MOB4: variants seen among roughly 807,000 people sequenced by gnomAD.
MOB4 encodes the protein MOB family member 4, phocein, also known as MOB-like protein phocein.
A neutral mutation model predicts 32.2 loss-of-function variants in MOB4; 4 were observed. The ratio of observed to expected loss-of-function variants is 0.12; its 90% confidence interval spans 0.06 to 0.28. The LOEUF is 0.28. Among genes scored for constraint, MOB4 ranks in the 10% least tolerant of loss-of-function variants. MOB4 has a pLI of 1.00. For missense variants in MOB4, 158 were observed against 271.2 expected (o/e 0.58, Z 2.93); for synonymous variants, 88 against 88.1 (o/e 1.00, Z 0.01).
rs1211585714 is a variant in MOB4, at chr2:197,553,163, G to A, written c.*2517G>A. 6.6e-6 allele frequency: 1 copy of A among 152,194 alleles called. No individual in the cohort carries two copies. The highest frequency in any genetic ancestry group is 2.4e-5 in the African/African-American group (1 of 41,440). 9.4% of individuals were successfully genotyped at this position (152,194 alleles called of 1,614,324 possible). A position where few individuals can be genotyped will look rare whatever the true frequency, so the allele number is the denominator to read the frequency against. On this transcript the variant is annotated 3_prime_UTR_variant, in exon 8 of 8. Coordinates refer to ENST00000323303, the MANE Select transcript of MOB4 (RefSeq NM_015387.5). ...AATTAGAAATCCTTGGTCAGGCACAGGGGCTCACGCCTGTAATCCCAGCAC... is the reference window on the plus strand; with the variant it reads ...AATTAGAAATCCTTGGTCAGGCACAAGGGCTCACGCCTGTAATCCCAGCAC...
At chr2:197,537,928 C>T (rs531023269) in intron 3 of MOB4, among the ~76,000 whole-genome samples, 5 of 152,172 alleles carry the variant, frequency 3.3e-5, no homozygotes, top group South Asian at 2.1e-4. Context: ...TACAGGCACA[C>T]GCCACCATGC....
At chr2:197,526,956 A>G (rs2086621264) in intron 2 of MOB4, among the ~76,000 whole-genome samples, 1 of 151,864 alleles carries the variant, frequency 6.6e-6, no homozygotes, top group South Asian at 2.1e-4. Context: ...TTTGTTCCTT[A>G]TTTTATTTTT....
At chr2:197,522,803 T>A (rs532911617) in intron 1 of MOB4, among the ~76,000 whole-genome samples, 8 of 151,790 alleles carry the variant, frequency 5.3e-5, no homozygotes, top group Middle Eastern at 3.4e-3. Flanking sequence ...GATCACGAGA[T>A]CAAGAGATTG....
intron 2 of MOB4, among the ~76,000 whole-genome samples, chr2:197,532,970 A>G (rs1214675381): frequency 6.6e-6 from 1 of 151,982 alleles, no homozygotes; most frequent in Non-Finnish European, 1.5e-5. Context: ...ATGGTGGCGC[A>G]TGTCTATAAT....
rs1324755797 is a variant in MOB4 at position 197,553,555 on chromosome 2, G to A, written c.*2909G>A. ...TTTTATGTGAGTACTTTGCCCTACT[G>A]TCTATATGATGACATCTTTTTTGAG... On this transcript the variant is annotated 3_prime_UTR_variant, in exon 8 of 8. Transcript: ENST00000323303. The A allele has an allele frequency of 6.6e-6, 1 of 152,164 alleles. No individual in the cohort carries two copies. Among genetic ancestry groups the A allele is most frequent in the Non-Finnish European group, 1.5e-5 (1 of 68,032 alleles). 9.4% of individuals were successfully genotyped at this position (152,164 alleles called of 1,614,324 possible).
intron 2 of MOB4, among the ~76,000 whole-genome samples, chr2:197,524,441 G>A (rs562329556): frequency 4.0e-5 from 6 of 150,880 alleles, no homozygotes; most frequent in African/African-American, 1.5e-4. Flanking sequence ...GCTAAGGCAG[G>A]AGAATCGTTT....
intron 2 of MOB4, among the ~76,000 whole-genome samples, chr2:197,526,790 G>T (rs552006111): frequency 6.6e-6 from 1 of 152,254 alleles, no homozygotes; most frequent in South Asian, 2.1e-4. Context: ...CAGCAGCCTT[G>T]TCGAAATCTT....
intron 1 of MOB4, among the ~76,000 whole-genome samples, chr2:197,519,392 C>A (rs1029466663): frequency 6.6e-6 from 1 of 152,104 alleles, no homozygotes; most frequent in African/African-American, 2.4e-5. Context: ...AACTCCGTAC[C>A]CCCACCCCAT....
chr2:197,531,382 G>C (rs2086701801), intron 2 of MOB4, among the ~76,000 whole-genome samples: 1 of 152,024 alleles, frequency 6.6e-6, no homozygotes, highest in Non-Finnish European at 1.5e-5. Flanking sequence ...TCTGTGGCAT[G>C]AAGTACATTC....
At chr2:197,516,776 C>A (rs757625339) in intron 1 of MOB4, 6 of 470,402 alleles carry the variant, frequency 1.3e-5, no homozygotes, top group Non-Finnish European at 2.6e-5. Context: ...TGCTAATATG[C>A]GTGAAGCATA....
intron 1 of MOB4, among the ~76,000 whole-genome samples, chr2:197,519,016 T>C (rs2086467867): frequency 6.6e-6 from 1 of 152,022 alleles, no homozygotes; most frequent in Non-Finnish European, 1.5e-5. Flanking sequence ...TCTCGGCCTC[T>C]GAAAGTGCTG....
At chr2:197,531,887 A>G (rs1469045602) in intron 2 of MOB4, among the ~76,000 whole-genome samples, 1 of 151,826 alleles carries the variant, frequency 6.6e-6, no homozygotes, top group Non-Finnish European at 1.5e-5. Flanking sequence ...TTATTGCATA[A>G]AAGTGTGGAG....
intron 2 of MOB4, among the ~76,000 whole-genome samples, chr2:197,534,667 A>G (rs1292116048): frequency 6.6e-6 from 1 of 152,100 alleles, no homozygotes; most frequent in Admixed American, 6.6e-5. Flanking sequence ...CTCAGCCTCC[A>G]GAGTAGCTGG....
At chr2:197,546,281 T>G (rs2086991416) in intron 5 of MOB4, among the ~76,000 whole-genome samples, 1 of 152,176 alleles carries the variant, frequency 6.6e-6, no homozygotes, top group African/African-American at 2.4e-5. Context: ...CAGGATGGTC[T>G]TGATCTCCTG....
At chr2:197,534,828 C>G (rs1288684800) in intron 2 of MOB4, among the ~76,000 whole-genome samples, 1 of 152,144 alleles carries the variant, frequency 6.6e-6, no homozygotes, top group Non-Finnish European at 1.5e-5. Context: ...CAGGCATGAG[C>G]CCCGACGCCC....
chr2:197,516,848 T>A (rs2086424298), intron 1 of MOB4: 1 of 406,466 alleles, frequency 2.5e-6, no homozygotes, highest in African/African-American at 2.1e-5. Flanking sequence ...GTGTGGTAAA[T>A]TGGTGCTTGA....
At chr2:197,536,071 T>C (rs543331330) in intron 3 of MOB4, among the ~76,000 whole-genome samples, 1 of 151,938 alleles carries the variant, frequency 6.6e-6, no homozygotes, top group African/African-American at 2.4e-5. Context: ...ACTAATTTTT[T>C]AATTTTTTGT....
intron 6 of MOB4, among the ~76,000 whole-genome samples, chr2:197,549,701 C>T (rs866382668): frequency 6.6e-6 from 1 of 151,794 alleles, no homozygotes; most frequent in African/African-American, 2.4e-5. Flanking sequence ...AAGTGCCTGC[C>T]ACCACGCCTG....
chr2:197,544,684 C>T (rs921689215), intron 5 of MOB4, among the ~76,000 whole-genome samples: 10 of 150,686 alleles, frequency 6.6e-5, no homozygotes, highest in South Asian at 4.2e-4. Context: ...ACCCTGCAGA[C>T]GGAGCTTGCA....
Sources: gnomAD v4.1 joint callset for allele counts (sites outside exome capture counted in the v4.1 genomes callset) on GRCh38, gnomAD v4.1.1 for gene constraint, MANE v1.5 for transcripts, NCBI Gene and HGNC (gene_info 2026-07-23, HGNC 2026-07-21) for gene names.